The following GRAMD4 variants were observed in gnomAD, a reference collection of about 807,000 sequenced individuals.
GRAMD4 encodes the protein GRAM domain containing 4.
In GRAMD4, 25 loss-of-function variants were observed where a neutral mutation model predicts 83.9. That is an observed-to-expected ratio of 0.30 (90% confidence interval 0.22 to 0.42). The LOEUF is 0.42. GRAMD4 is among the 10% of genes least tolerant of loss of function. The pLI is 1.00. For synonymous variants in GRAMD4, 336 were observed against 320.9 expected, an observed-to-expected ratio of 1.05 and a Z score of -0.50; for missense variants, 593 against 788.7, an observed-to-expected ratio of 0.75 and a Z score of 2.97.
chr22:46,652,745 G>A (rs901464806), intron 3 of GRAMD4, among the ~76,000 whole-genome samples: 8 of 152,220 alleles, frequency 5.3e-5, no homozygotes, highest in African/African-American at 1.9e-4. Flanking sequence ...ACAGGGGCCG[G>A]GGCTGGACGA....
rs1057162418 is a variant in GRAMD4 at position 46,620,525 on chromosome 22, C to T, written c.-90C>T. The T allele has an allele frequency of 2.8e-5, 27 of 960,774 alleles. No individual in the cohort carries two copies. Among genetic ancestry groups the T allele is most frequent in the Non-Finnish European group, 3.3e-5 (27 of 825,298 alleles). The allele number at this position is 960,774 out of a possible 1,614,324, so 59.5% of individuals were successfully genotyped here. On this transcript the variant is annotated 5_prime_UTR_variant, in exon 1 of 19. Transcript: ENST00000406902. This position sits in a 1 kb window ranked among gnomAD's most constrained non-coding sequence, Gnocchi z 4.7. ...TCTGGGCCAGGACCTGAAGGAGCCA[C>T]AGTGAAAGAGTGTTTCTGGATGTAT...
At chr22:46,590,826 C>T (rs546552279) in intron 1 of GRAMD4, among the ~76,000 whole-genome samples, 2 of 151,990 alleles carry the variant, frequency 1.3e-5, no homozygotes, top group Non-Finnish European at 2.9e-5. Flanking sequence ...TTTGGGAGGC[C>T]GAGGCAGGTG....
chr22:46,663,924 G>A, intron 7 of GRAMD4, 61 bp downstream of exon 7: 1 of 1,593,848 alleles, frequency 6.3e-7, no homozygotes. Context: ...GCCCATGGCG[G>A]TGGGGACTCT....
chr22:46,678,808 C>G lies in GRAMD4; in HGVS notation c.*1557C>G, dbSNP rs926906009. The G allele has an allele frequency of 4.1e-6, 4 of 986,178 alleles. No individual in the cohort carries two copies. Among genetic ancestry groups the G allele is most frequent in the Non-Finnish European group, 4.8e-6 (4 of 830,100 alleles). 61.1% of individuals were successfully genotyped at this position (986,178 alleles called of 1,614,324 possible). On this transcript the variant is annotated 3_prime_UTR_variant, in exon 19 of 19. Transcript: ENST00000406902. ...CCCCCTTCACGAGGGGCCGCAGAGT[C>G]ACACGCTGGTGCCGGGGGTGCTTTG...
chr22:46,668,236 C>T (rs886265513), intron 11 of GRAMD4, 69 bp downstream of exon 11: 26 of 1,121,064 alleles, frequency 2.3e-5, no homozygotes, highest in South Asian at 1.0e-4. Flanking sequence ...GGTGTGTCTA[C>T]GCCGGCCAGG....
intron 2 of GRAMD4, among the ~76,000 whole-genome samples, chr22:46,630,603 C>T (rs1024855707): frequency 5.9e-5 from 9 of 152,226 alleles, no homozygotes; most frequent in African/African-American, 1.9e-4. Context: ...GTGTTCTGAC[C>T]GCCCCTCTCA....
At position 46,668,889 on chromosome 22, in the gene GRAMD4, C is replaced by A; in HGVS notation, c.1065C>A (p.Arg355=). The A allele has an allele frequency of 6.2e-7, 1 of 1,603,484 alleles. No homozygotes were observed. The highest frequency in any genetic ancestry group is 8.5e-7 in the Non-Finnish European group (1 of 1,171,402). ...TGGCCTCCTGCTTCTTCCCCTACCG[C>A]CTGGTGGGGCTTGCCGTGGGTAAGT... ...AFLASCFFPY[R]LVGLAVGLYA... Residue 355 remains arginine, a synonymous_variant, in exon 13 of 19, where the codon CGC becomes CGA. Coordinates refer to ENST00000406902, the MANE Select transcript of GRAMD4 (RefSeq NM_015124.5).
chr22:46,646,065 T>G lies in GRAMD4; in HGVS notation c.283+8105T>G, dbSNP rs539333063. ...TGGGGGCTTCCCGGTTGCTAGGCTGTGTAGGGGAGCCCTCGTGACTGCCTT... is the reference window on the plus strand; with the variant it reads ...TGGGGGCTTCCCGGTTGCTAGGCTGGGTAGGGGAGCCCTCGTGACTGCCTT... On this transcript the variant is annotated intron_variant, in intron 3 of 18. Transcript: ENST00000406902. 2.4e-4 allele frequency among the ~76,000 whole-genome samples: 36 copies of G among 152,264 alleles called. No homozygotes were observed. In the East Asian group the frequency reaches 3.1e-3, roughly 13 times the overall value.
At chr22:46,597,201 C>T (rs1337429739) in intron 1 of GRAMD4, among the ~76,000 whole-genome samples, 1 of 152,198 alleles carries the variant, frequency 6.6e-6, no homozygotes, top group African/African-American at 2.4e-5. Context: ...AGGTGGCACA[C>T]AGACCAGCTC....
intron 1 of GRAMD4, among the ~76,000 whole-genome samples, chr22:46,611,615 G>T (rs1322886431): frequency 1.3e-5 from 2 of 152,140 alleles, no homozygotes; most frequent in Non-Finnish European, 2.9e-5. Flanking sequence ...TACACTCCGA[G>T]AAAGGCTTAT....
rs1016115597 is a variant in GRAMD4 at position 46,679,288 on chromosome 22, T to C, written c.*2037T>C. The C allele has an allele frequency of 1.1e-5, 11 of 985,324 alleles. No homozygotes were observed. The Admixed American group carries it at 1.8e-4, about 17-fold the overall frequency. The allele number at this position is 985,324 out of a possible 1,614,324, so 61.0% of individuals were successfully genotyped here. ...GGGGCTTTACCAGCGTCGGGTGGTT[T>C]AGTTCGAGTCCCTTTTGTGGAGAAA... On this transcript the variant is annotated 3_prime_UTR_variant, in exon 19 of 19. Coordinates refer to ENST00000406902, the MANE Select transcript of GRAMD4 (RefSeq NM_015124.5).
At chr22:46,618,332 G>A (rs774728927), upstream of GRAMD4, among the ~76,000 whole-genome samples, 1 of 152,152 alleles carries the variant, frequency 6.6e-6, no homozygotes, top group Non-Finnish European at 1.5e-5. This position sits in a 1 kb window ranked among gnomAD's most constrained non-coding sequence, Gnocchi z 5.8. Flanking sequence ...GCTAAACAAG[G>A]AAGCCATCAG....
chr22:46,606,997 C>T (rs1003791787), intron 1 of GRAMD4, among the ~76,000 whole-genome samples: 1 of 152,220 alleles, frequency 6.6e-6, no homozygotes, highest in Non-Finnish European at 1.5e-5. Flanking sequence ...CAGCTGTGGG[C>T]ACTGGAAGCA....
chr22:46,641,056 A>AC (rs1265426643), intron 3 of GRAMD4, among the ~76,000 whole-genome samples: 1 of 152,014 alleles, frequency 6.6e-6, no homozygotes, highest in Non-Finnish European at 1.5e-5. Flanking sequence ...ACAGAGCGAG[A>AC]CCCCATCTCT....
intron 3 of GRAMD4, 150 bp from the exon 4 acceptor site, chr22:46,658,037 C>A: frequency 1.1e-6 from 1 of 922,512 alleles, no homozygotes; most frequent in Non-Finnish European, 1.7e-6. Context: ...GTGAGCGCCC[C>A]GCACCCTGGA....
At chr22:46,653,532 C>T (rs2147302175) in intron 3 of GRAMD4, among the ~76,000 whole-genome samples, 1 of 152,240 alleles carries the variant, frequency 6.6e-6, no homozygotes, top group East Asian at 1.9e-4. Context: ...CCATCCACAT[C>T]TGTCCCTGGG....
intron 1 of GRAMD4, among the ~76,000 whole-genome samples, chr22:46,578,748 C>T (rs1467185131): frequency 6.6e-6 from 1 of 152,188 alleles, no homozygotes; most frequent in East Asian, 1.9e-4. Flanking sequence ...TAACCCTGCC[C>T]CTCCTTCCTG....
chr22:46,678,123 G>A lies in GRAMD4; in HGVS notation c.*872G>A, dbSNP rs1374714698. The A allele has an allele frequency of 3.0e-6, 3 of 985,534 alleles. No homozygotes were observed. In the East Asian group the frequency reaches 3.4e-4, roughly 112 times the overall value. 61.0% of individuals were successfully genotyped at this position (985,534 alleles called of 1,614,324 possible). The stretch of plus-strand genomic sequence containing the variant: ...GAGAACATCCGCGAAGGCTGTTGGA[G>A]GTGCTCCGAGCACTGTGGCATGTCT... On this transcript the variant is annotated 3_prime_UTR_variant, in exon 19 of 19. Transcript: ENST00000406902.
chr22:46,677,961 C>G lies in GRAMD4; in HGVS notation c.*710C>G, dbSNP rs554626634. ...TTGCTGGCCTCCAGGGCGCTCAGCA[C>G]CGCGTCTGTAAGGGCCTGCCTGCTG... is the stretch of plus-strand genomic sequence containing the variant. On this transcript the variant is annotated 3_prime_UTR_variant, in exon 19 of 19. Transcript: ENST00000406902. 7,652 of 985,424 alleles carry G rather than the reference C, an allele frequency of 7.8e-3. 42 individuals carry two copies. Among genetic ancestry groups the G allele is most frequent in the South Asian group, 0.017 (364 of 21,286 alleles). 61.0% of individuals were successfully genotyped at this position (985,424 alleles called of 1,614,324 possible). A position where few individuals can be genotyped will look rare whatever the true frequency, so the allele number is the denominator to read the frequency against.
Sources: allele counts gnomAD v4.1 joint callset (sites outside exome capture counted in the v4.1 genomes callset), GRCh38; gene constraint gnomAD v4.1.1; non-coding constraint Gnocchi (gnomAD v3.1); transcripts MANE v1.5; gene names NCBI Gene and HGNC (gene_info 2026-07-23, HGNC 2026-07-21).